ADAMTS6: variants seen among roughly 807,000 people sequenced by gnomAD.
ADAMTS6 encodes A disintegrin and metalloproteinase with thrombospondin motifs 6.
A neutral mutation model predicts 144.3 loss-of-function variants in ADAMTS6; 23 were observed. That is an observed-to-expected ratio of 0.16 (90% CI 0.11 to 0.23). The LOEUF is 0.23. ADAMTS6 is among the 10% of genes least tolerant of loss of function. The probability of loss-of-function intolerance (pLI) is 1.00; values close to 1 mark genes in which losing one functional copy is unlikely to be tolerated. For synonymous variants in ADAMTS6, 444 were observed against 457.5 expected (o/e 0.97, Z 0.38); for missense variants, 999 against 1,379.6 (o/e 0.72, Z 4.37).
chr5:65,395,215 G>A (rs1410043534), intron 7 of ADAMTS6, among the ~76,000 whole-genome samples: 1 of 152,088 alleles, frequency 6.6e-6, no homozygotes, highest in African/African-American at 2.4e-5. Context: ...ATGCTCCTAA[G>A]TGTTACACTA....
intron 14 of ADAMTS6, among the ~76,000 whole-genome samples, chr5:65,246,480 G>C (rs542419351): frequency 2.6e-4 from 39 of 152,286 alleles, no homozygotes; most frequent in African/African-American, 8.7e-4. Flanking sequence ...AGTTGGAGAT[G>C]AGAAAGAAGA....
chr5:65,350,667 G>A (rs1379612885), intron 7 of ADAMTS6, among the ~76,000 whole-genome samples: 1 of 151,962 alleles, frequency 6.6e-6, no homozygotes, highest in Non-Finnish European at 1.5e-5. Flanking sequence ...GGGCGTGAGG[G>A]GGTGGGGAGG....
intron 14 of ADAMTS6, among the ~76,000 whole-genome samples, chr5:65,259,137 AC>A (rs1270477179): frequency 1.3e-5 from 2 of 151,998 alleles, no homozygotes; most frequent in Non-Finnish European, 2.9e-5. Context: ...CGGGTGGATC[AC>A]CTGAGGTCAG....
intron 7 of ADAMTS6, among the ~76,000 whole-genome samples, chr5:65,397,736 G>C (rs1002865162): frequency 6.6e-6 from 1 of 151,978 alleles, no homozygotes. Context: ...AATCAGCCAG[G>C]TGTGGTGGCA....
At chr5:65,390,447 G>C (rs1389632343) in intron 7 of ADAMTS6, among the ~76,000 whole-genome samples, 2 of 152,152 alleles carry the variant, frequency 1.3e-5, no homozygotes, top group African/African-American at 4.8e-5. Context: ...AAAGCTTCAG[G>C]ACAGAAGGGA....
chr5:65,210,228 G>A (rs11955970), intron 20 of ADAMTS6: 54,201 of 164,990 alleles, frequency 0.33, 8,949 homozygotes, highest in Admixed American at 0.4. Flanking sequence ...CGAGACGGGC[G>A]GATCACGAGG....
intron 24 of ADAMTS6, among the ~76,000 whole-genome samples, chr5:65,159,322 A>G (rs576810231): frequency 1.3e-5 from 2 of 151,968 alleles, no homozygotes; most frequent in East Asian, 3.9e-4. Context: ...ATCAAACCCC[A>G]GTTTTTTTTC....
rs1761516659 is a variant in ADAMTS6, at chr5:65,265,206, T to G, written c.1621-2244A>C. 1.3e-5 allele frequency among the ~76,000 whole-genome samples: 2 copies of G among 152,064 alleles called. 1 individual carries two copies. Reference sequence around the variant, plus strand: ...GATATTAAGAAAGATTATTGAGTTTTGAGCAATAAAAATTATCATGAAGAA... The same window carrying G: ...GATATTAAGAAAGATTATTGAGTTTGGAGCAATAAAAATTATCATGAAGAA... On this transcript the variant is annotated intron_variant, in intron 12 of 24. Coordinates refer to ENST00000381055, the MANE Select transcript of ADAMTS6 (RefSeq NM_197941.4).
chr5:65,332,646 G>A (rs1268166305), intron 8 of ADAMTS6, among the ~76,000 whole-genome samples: 1 of 151,802 alleles, frequency 6.6e-6, no homozygotes. Context: ...TAGCATAAGG[G>A]CAGATATTAC....
chr5:65,454,209 A>G (rs542391900), intron 4 of ADAMTS6, among the ~76,000 whole-genome samples: 1 of 152,318 alleles, frequency 6.6e-6, no homozygotes, highest in African/African-American at 2.4e-5. Flanking sequence ...ACTTCCCAGC[A>G]TCCAGAACCA....
At chr5:65,422,975 T>C (rs1756200277) in intron 7 of ADAMTS6, among the ~76,000 whole-genome samples, 1 of 152,130 alleles carries the variant, frequency 6.6e-6, no homozygotes, top group Admixed American at 6.6e-5. Flanking sequence ...CACGCTGGAA[T>C]ACTATTCAGC....
chr5:65,385,896 C>T (rs1258609769), intron 7 of ADAMTS6, among the ~76,000 whole-genome samples: 1 of 152,132 alleles, frequency 6.6e-6, no homozygotes, highest in African/African-American at 2.4e-5. Context: ...TCAATGTGGT[C>T]ATTACAATTT....
intron 3 of ADAMTS6, among the ~76,000 whole-genome samples, chr5:65,467,465 A>T (rs538632896): frequency 1.3e-5 from 2 of 152,244 alleles, no homozygotes; most frequent in South Asian, 4.1e-4. Flanking sequence ...ACTAAAAAAA[A>T]TTTTTAAAGA....
chr5:65,379,182 A>G (rs1751819150), intron 7 of ADAMTS6, among the ~76,000 whole-genome samples: 1 of 152,224 alleles, frequency 6.6e-6, no homozygotes, highest in Non-Finnish European at 1.5e-5. Context: ...GAGTAAATAC[A>G]AATTATTTTC....
In ADAMTS6 at chr5:65,474,859, T is replaced by C. The variant is rs1267949269; in HGVS notation, c.-279-907A>G. On this transcript the variant is annotated intron_variant, in intron 1 of 24. Coordinates refer to ENST00000381055, the MANE Select transcript of ADAMTS6 (RefSeq NM_197941.4). ...GTAGTTTTAGAACCCCAAAGTAATA[T>C]AGTTTGGGGTAGAGGCAAATGGGTC... Among the ~76,000 whole-genome samples the C allele has an allele frequency of 4.9e-5, 7 of 143,094 alleles. No homozygotes were observed. In the East Asian group the frequency reaches 1.2e-3, roughly 25 times the overall value. 93.9% of individuals were successfully genotyped at this position (143,094 alleles called of 152,430 possible). A position where few individuals can be genotyped will look rare whatever the true frequency, so the allele number is the denominator to read the frequency against.
chr5:65,381,930 A>C (rs978453443), intron 7 of ADAMTS6, among the ~76,000 whole-genome samples: 76 of 152,332 alleles, frequency 5.0e-4, no homozygotes, highest in African/African-American at 1.8e-3. Context: ...GTATTTGTGG[A>C]ATGTGTAAAA....
intron 24 of ADAMTS6, 102 bp downstream of exon 24, chr5:65,170,515 C>G: frequency 7.5e-7 from 1 of 1,342,084 alleles, no homozygotes; most frequent in Non-Finnish European, 1.0e-6. Context: ...ATGCTCTACT[C>G]AAACTACACT....
intron 7 of ADAMTS6, among the ~76,000 whole-genome samples, chr5:65,335,913 T>A (rs910066068): frequency 1.3e-5 from 2 of 151,658 alleles, no homozygotes; most frequent in Non-Finnish European, 2.9e-5. Flanking sequence ...GACATACATC[T>A]GAAACAGGTT....
intron 18 of ADAMTS6, among the ~76,000 whole-genome samples, chr5:65,219,140 G>T (rs1443559089): frequency 3.3e-5 from 5 of 152,062 alleles, no homozygotes; most frequent in Non-Finnish European, 1.5e-5. Context: ...CAACGATATT[G>T]ATAATTACAT....
Sources: allele counts gnomAD v4.1 joint callset (sites outside exome capture counted in the v4.1 genomes callset), GRCh38; gene constraint gnomAD v4.1.1; transcripts MANE v1.5; gene names NCBI Gene and HGNC (gene_info 2026-07-23, HGNC 2026-07-21).